TTN: variants seen among roughly 807,000 people sequenced by gnomAD.
TTN encodes the protein connectin.
TTN carries 1,525 observed loss-of-function variants against 3,223.0 expected under a neutral mutation model. The ratio of observed to expected loss-of-function variants is 0.47; its 90% CI spans 0.45 to 0.49. The LOEUF (loss-of-function observed/expected upper bound fraction) is 0.49, where lower values mean the gene tolerates loss of function less well. Ranked by LOEUF, TTN falls within the 20% of genes least tolerant of loss-of-function variation. The pLI is 0.00. For missense variants in TTN, 40,786 were observed against 43,424.0 expected (o/e 0.94, Z 5.40); for synonymous variants, 14,094 against 15,161.0 (o/e 0.93, Z 5.17).
intron 2 of TTN, among the ~76,000 whole-genome samples, chr2:178,803,665 C>T (rs2094174579): frequency 6.6e-6 from 1 of 150,736 alleles, no homozygotes; most frequent in Admixed American, 6.6e-5. Flanking sequence ...AAGAAGTGGG[C>T]AATGAACCAT....
At chr2:178,585,772 C>T (rs531012584) in intron 308 of TTN, among the ~76,000 whole-genome samples, 10 of 152,186 alleles carry the variant, frequency 6.6e-5, no homozygotes, top group African/African-American at 2.4e-4. Flanking sequence ...ATGAACTCAT[C>T]CTTTTTTATG....
chr2:178,678,528 A>G (rs747110137), intron 143 of TTN, 31 bp from the exon 144 acceptor site: 4 of 1,500,592 alleles, frequency 2.7e-6, no homozygotes, highest in East Asian at 4.9e-5. Context: ...GAAAAATTTT[A>G]TACGACATAA....
intron 96 of TTN, 150 bp from the exon 97 acceptor site, chr2:178,711,499 G>A (rs2076648078): frequency 3.9e-6 from 4 of 1,038,016 alleles, no homozygotes; most frequent in Non-Finnish European, 5.3e-6. Flanking sequence ...ATAAAGAAAA[G>A]CATATAGATT....
At chr2:178,678,260 A>G (rs2068545592) in intron 144 of TTN, 52 bp from the exon 145 acceptor site, 1 of 1,554,760 alleles carries the variant, frequency 6.4e-7, no homozygotes. Context: ...AATGTCTTAG[A>G]GCAATAGATA....
rs2046761831 is a variant in TTN at position 178,577,762 on chromosome 2, C to T, written c.68664G>A (p.Trp22888Ter). 1 of 1,613,344 alleles carries T rather than the reference C, an allele frequency of 6.2e-7. No individual in the cohort carries two copies. The highest frequency in any genetic ancestry group is 8.5e-7 in the Non-Finnish European group (1 of 1,179,570). Reference protein sequence around the residue: ...VEKRDLPSKSWMKANHVNVPE... With the variant: ...VEKRDLPSKS ...GGACATTAACATGGTTGGCTTTCAT[C>T]CAAGACTTCGAAGGTAGATCTCGCT... Residue 22888 changes from tryptophan to a stop codon, truncating the protein, a stop_gained, in exon 323 of 363, where the codon TGG becomes TGA. Coordinates refer to ENST00000589042, the MANE Select transcript of TTN (RefSeq NM_001267550.2). LOFTEE classifies it high-confidence loss of function.
In TTN at chr2:178,564,097, T is replaced by C; in HGVS notation, c.82035A>G (p.Gly27345=). Residue 27345 remains glycine (G), a synonymous_variant, in exon 326 of 363, where the codon GGA becomes GGG. Coordinates refer to ENST00000589042, the MANE Select transcript of TTN (RefSeq NM_001267550.2). ...CATTGCTGAGTTTCAGAATATATTG[T>C]CCTCCATCAGTCCGTATACAGTCTT... ...VVKDCIRTDG[G]QYILKLSNVG... The C allele has an allele frequency of 6.2e-7, 1 of 1,613,764 alleles. No individual in the cohort carries two copies. The highest frequency in any genetic ancestry group is 8.5e-7 in the Non-Finnish European group (1 of 1,179,722).
intron 2 of TTN, among the ~76,000 whole-genome samples, chr2:178,802,575 G>A (rs1027212638): frequency 1.3e-5 from 2 of 152,132 alleles, no homozygotes; most frequent in Non-Finnish European, 2.9e-5. Context: ...TTTTTCCAAG[G>A]TCCTTCAGCT....
In TTN at chr2:178,599,464, G is replaced by A; in HGVS notation, c.56348-19C>T. On this transcript the variant is annotated intron_variant, in intron 289 of 362. Transcript: ENST00000589042. ...GGACGACCTAAAATGGTTTAAAGAA[G>A]GAACCCTTTATCACTCAGATGATTT... 1 of 1,517,062 alleles carries A rather than the reference G, an allele frequency of 6.6e-7. No homozygotes were observed. The highest frequency in any genetic ancestry group is 8.8e-7 in the Non-Finnish European group (1 of 1,136,082). 94.0% of individuals were successfully genotyped at this position (1,517,062 alleles called of 1,614,324 possible). A position where few individuals can be genotyped will look rare whatever the true frequency, so the allele number is the denominator to read the frequency against.
Position 178,561,096 on chromosome 2 carries a change from T to G in TTN, c.85036A>C (p.Ile28346Leu), listed in dbSNP as rs912296403. 1.2e-6 allele frequency: 2 copies of G among 1,613,748 alleles called. No individual in the cohort carries two copies. Among genetic ancestry groups the G allele is most frequent in the African/African-American group, 1.3e-5 (1 of 74,914 alleles). ...GGCTCAACATCATCTTTAACTATAA[T>G]AGGCCCAGTGGATTCAGATGGCTCA... ...VSEPSESTGP[I>L]IVKDDVEPPR... The change falls in exon 326 of 363, where the codon ATT (isoleucine) becomes CTT (leucine). Residue 28346 changes from isoleucine to leucine, a missense_variant. Physicochemically the swap from Ile to Leu is conservative, Grantham distance 5. Transcript: ENST00000589042.
At chr2:178,761,654 T>C (rs1382962556) in intron 43 of TTN, among the ~76,000 whole-genome samples, 1 of 152,170 alleles carries the variant, frequency 6.6e-6, no homozygotes. Flanking sequence ...TTAATAGCAC[T>C]TACAACCTTG....
chr2:178,594,357 G>A lies in TTN; in HGVS notation c.58137C>T (p.Cys19379=), dbSNP rs376310289. Reference sequence around the variant, plus strand: ...GTAGACACATACCCAGCTCATCCTTGCAAGTAATTGGTTTGGTGCAAAATG... The same window carrying A: ...GTAGACACATACCCAGCTCATCCTTACAAGTAATTGGTTTGGTGCAAAATG... The part of the protein sequence containing the change: ...KPSFCTKPIT[C]KDELAPPTLH... The change falls in exon 296 of 363, where the codon TGC becomes TGT. Residue 19379 remains cysteine (C), a synonymous_variant. Coordinates refer to ENST00000589042, the MANE Select transcript of TTN (RefSeq NM_001267550.2). The A allele has an allele frequency of 1.0e-5, 16 of 1,592,688 alleles. No homozygotes were observed. In the Middle Eastern group the frequency reaches 1.2e-3, roughly 116 times the overall value.
At position 178,611,593 on chromosome 2, in the gene TTN, T is replaced by C. The variant is rs961819601; in HGVS notation, c.50636A>G (p.Asn16879Ser). 5 of 1,612,938 alleles carry C rather than the reference T, an allele frequency of 3.1e-6. No homozygotes were observed. Among genetic ancestry groups the C allele is most frequent in the Non-Finnish European group, 4.2e-6 (5 of 1,179,292 alleles). The change falls in exon 269 of 363, where the codon AAT becomes AGT. Residue 16879 changes from asparagine to serine, a missense_variant. By Grantham distance (46) the Asn-to-Ser change is conservative. Transcript: ENST00000589042. ...IAIAWKPPEK[N>S]GGSPIIGYHV... is the part of the protein sequence containing the mutation. ...GTATCCTATGATAGGACTTCCACCATTTTTCTCTGGAGGCTTCCAAGCAAT... is the reference window on the plus strand; with the variant it reads ...GTATCCTATGATAGGACTTCCACCACTTTTCTCTGGAGGCTTCCAAGCAAT...
intron 288 of TTN, 92 bp downstream of exon 288, chr2:178,600,762 A>G: frequency 1.4e-6 from 2 of 1,456,320 alleles, no homozygotes. Flanking sequence ...TTCCTAAGGT[A>G]CAGATATAGC....
rs778449192 is a variant in TTN, at chr2:178,618,018, G to A, written c.47333C>T (p.Thr15778Ile). 2 of 1,612,508 alleles carry A rather than the reference G, an allele frequency of 1.2e-6. No individual in the cohort carries two copies. Among genetic ancestry groups the A allele is most frequent in the Non-Finnish European group, 1.7e-6 (2 of 1,179,108 alleles). The change falls in exon 253 of 363, where the codon ACA (threonine) becomes ATA (isoleucine). Residue 15778 changes from threonine (T) to isoleucine (I), a missense_variant. Thr to Ile is a moderately conservative substitution (Grantham distance 89). Coordinates refer to ENST00000589042, the MANE Select transcript of TTN (RefSeq NM_001267550.2). ...TCCATCATACTCTGGTGGTTCCCAT[G>A]TCAGTGAGACACCAAATCGATTCAC... is the stretch of plus-strand genomic sequence containing the variant. The part of the protein sequence containing the change: ...TDVNRFGVSL[T>I]WEPPEYDGGA...
intron 198 of TTN, 55 bp downstream of exon 198, chr2:178,653,183 G>A (rs943406069): frequency 9.3e-6 from 15 of 1,606,860 alleles, no homozygotes; most frequent in Non-Finnish European, 1.2e-5. Context: ...GGAACAAAAT[G>A]TCTTCAACTG....
chr2:178,570,644 G>T lies in TTN; in HGVS notation c.75488C>A (p.Thr25163Asn). The change falls in exon 326 of 363, where the codon ACC becomes AAC. Residue 25163 changes from threonine to asparagine, a missense_variant. Thr to Asn is a moderately conservative substitution (Grantham distance 65). Coordinates refer to ENST00000589042, the MANE Select transcript of TTN (RefSeq NM_001267550.2). ...SNTARLEIKSTDFATSLSVKD... is the reference protein window; with the variant it reads ...SNTARLEIKSNDFATSLSVKD... ...TACACTGAGACTGGTGGCAAAGTCG[G>T]TGCTCTTTATTTCTAATCGAGCTGT... The T allele has an allele frequency of 6.2e-7, 1 of 1,613,428 alleles. No individual in the cohort carries two copies. The highest frequency in any genetic ancestry group is 1.1e-5 in the South Asian group (1 of 91,064).
chr2:178,674,763 C>A, intron 150 of TTN, among the ~76,000 whole-genome samples: 1 of 151,510 alleles, frequency 6.6e-6, no homozygotes, highest in East Asian at 1.9e-4. Flanking sequence ...CCTACTAAGT[C>A]ATTTGATGAA....
In TTN at chr2:178,563,027, C is replaced by T. The variant is rs776136653; in HGVS notation, c.83105G>A (p.Arg27702Gln). Residue 27702 changes from arginine (R) to glutamine (Q), a missense_variant, in exon 326 of 363, where the codon CGA becomes CAA. By Grantham distance (43) the Arg-to-Gln change is conservative. Transcript: ENST00000589042. This position sits in a 1 kb window ranked among gnomAD's most constrained non-coding sequence, Gnocchi z 4.5. ...TTCCCATTTAACTTCGGGTTCTGGT[C>T]GACCTTTGATAGTGACAAATAAGCG... ...TLRLFVTIKG[R>Q]PEPEVKWEKA... 10 of 1,613,498 alleles carry T rather than the reference C, an allele frequency of 6.2e-6. No homozygotes were observed. Among genetic ancestry groups the T allele is most frequent in the Middle Eastern group, 1.6e-4 (1 of 6,076 alleles).
At chr2:178,738,474 A>T (rs1212892194) in intron 48 of TTN, 114 bp from the exon 49 acceptor site, 9 of 1,295,402 alleles carry the variant, frequency 6.9e-6, no homozygotes, top group Non-Finnish European at 9.3e-6. Context: ...AATTGGTGAG[A>T]TGGATTACAG....
Sources: gnomAD v4.1 joint callset for allele counts (sites outside exome capture counted in the v4.1 genomes callset) on GRCh38, gnomAD v4.1.1 for gene constraint, Gnocchi (gnomAD v3.1) non-coding constraint, MANE v1.5 for transcripts, NCBI Gene and HGNC (gene_info 2026-07-23, HGNC 2026-07-21) for gene names.